Variants in PRKN observed in about 807,000 individuals in gnomAD.
The protein encoded by PRKN is E3 ubiquitin-protein ligase parkin.
PRKN carries 56 observed loss-of-function variants against 59.5 expected under a neutral mutation model. That is an observed-to-expected ratio of 0.94 (90% CI 0.76 to 1.18). The LOEUF is 1.18. Among genes scored for constraint, PRKN ranks in the 50% most tolerant of loss-of-function variants. PRKN has a pLI of 0.00. For missense variants in PRKN, 657 were observed against 596.4 expected (o/e 1.10, Z -1.06); for synonymous variants, 250 against 222.1 (o/e 1.13, Z -1.12).
At chr6:161,805,008 A>G (rs763682789) in intron 6 of PRKN, among the ~76,000 whole-genome samples, 4 of 152,244 alleles carry the variant, frequency 2.6e-5, no homozygotes, top group Non-Finnish European at 5.9e-5. Flanking sequence ...CATTCAGACT[A>G]TGAGTTTCAA....
At chr6:162,608,930 A>C (rs1782030694) in intron 1 of PRKN, among the ~76,000 whole-genome samples, 1 of 152,106 alleles carries the variant, frequency 6.6e-6, no homozygotes, top group Non-Finnish European at 1.5e-5. Context: ...TCAGTAGCAC[A>C]GGGGAGAAAG....
chr6:161,775,787 C>T (rs1387118664), intron 7 of PRKN, among the ~76,000 whole-genome samples: 1 of 152,064 alleles, frequency 6.6e-6, no homozygotes, highest in Non-Finnish European at 1.5e-5. Flanking sequence ...TTCTTGACTC[C>T]CTAGGCATCG....
At chr6:162,492,678 G>A (rs557950646) in intron 1 of PRKN, among the ~76,000 whole-genome samples, 1 of 152,056 alleles carries the variant, frequency 6.6e-6, no homozygotes, top group Non-Finnish European at 1.5e-5. Flanking sequence ...GGGGCCGGGC[G>A]CGGTGGCTCA....
At chr6:161,604,406 C>T (rs953885217) in intron 7 of PRKN, among the ~76,000 whole-genome samples, 1 of 152,166 alleles carries the variant, frequency 6.6e-6, no homozygotes, top group Admixed American at 6.5e-5. Flanking sequence ...CAACAGAAAG[C>T]CTCCACCATG....
intron 7 of PRKN, among the ~76,000 whole-genome samples, chr6:161,650,756 C>A (rs937209086): frequency 8.5e-5 from 13 of 152,198 alleles, no homozygotes; most frequent in African/African-American, 2.9e-4. Flanking sequence ...CATTCACTGG[C>A]TCCTGGCATG....
At position 161,467,476 on chromosome 6, in the gene PRKN, T is replaced by G. The variant is rs1226635677; in HGVS notation, c.1084-80599A>C. Among the ~76,000 whole-genome samples the G allele has an allele frequency of 6.6e-6, 1 of 152,198 alleles. No individual in the cohort carries two copies. The highest frequency in any genetic ancestry group is 1.5e-5 in the Non-Finnish European group (1 of 68,042). ...ATGACGAGTAAGATGGGCATTTCTC[T>G]GTAAGCATATGGTCCAATGGGGAAG... On this transcript the variant is annotated intron_variant, in intron 9 of 11. Transcript: ENST00000366898. The surrounding 1 kb of genome is among the most constrained non-coding windows in gnomAD (Gnocchi z 4.3).
intron 6 of PRKN, among the ~76,000 whole-genome samples, chr6:161,952,173 A>G (rs903081806): frequency 3.9e-5 from 6 of 152,088 alleles, no homozygotes; most frequent in African/African-American, 1.2e-4. Context: ...TGAGGGTGCC[A>G]CCCTCTGTTC....
chr6:162,138,700 A>T (rs545182772), intron 4 of PRKN, among the ~76,000 whole-genome samples: 1 of 152,170 alleles, frequency 6.6e-6, no homozygotes, highest in Non-Finnish European at 1.5e-5. Flanking sequence ...GTGAGTGTTG[A>T]AAGTCTCAAA....
At chr6:162,138,514 C>T (rs1035764592) in intron 4 of PRKN, among the ~76,000 whole-genome samples, 1 of 151,786 alleles carries the variant, frequency 6.6e-6, no homozygotes, top group Non-Finnish European at 1.5e-5. Context: ...CACTATGAAT[C>T]GTGCAAAGAA....
chr6:162,550,955 C>A (rs1046400383), intron 1 of PRKN, among the ~76,000 whole-genome samples: 1 of 152,114 alleles, frequency 6.6e-6, no homozygotes, highest in Admixed American at 6.5e-5. Context: ...CCTACGCATA[C>A]CCACCTGACA....
At chr6:162,026,287 G>C (rs1165597427) in intron 5 of PRKN, among the ~76,000 whole-genome samples, 1 of 152,184 alleles carries the variant, frequency 6.6e-6, no homozygotes, top group Admixed American at 6.5e-5. Context: ...AAATGCGGAG[G>C]CACACGTGTG....
intron 2 of PRKN, among the ~76,000 whole-genome samples, chr6:162,347,565 A>G (rs1428136235): frequency 6.6e-6 from 1 of 152,116 alleles, no homozygotes; most frequent in Non-Finnish European, 1.5e-5. Context: ...GTGTTTGAAT[A>G]AAGAGAATGT....
intron 9 of PRKN, among the ~76,000 whole-genome samples, chr6:161,398,373 G>A (rs1258873751): frequency 1.3e-5 from 2 of 152,078 alleles, no homozygotes; most frequent in East Asian, 3.8e-4. Flanking sequence ...CTAGAATGTG[G>A]TTCCCAGACT....
At chr6:162,715,700 C>A (rs142001336) in intron 1 of PRKN, among the ~76,000 whole-genome samples, 199 of 152,282 alleles carry the variant, frequency 1.3e-3, no homozygotes, top group African/African-American at 4.4e-3. Flanking sequence ...AACCTGAATT[C>A]TCCAGTATGG....
intron 2 of PRKN, among the ~76,000 whole-genome samples, chr6:162,387,712 A>G (rs570026416): frequency 1.3e-5 from 2 of 152,188 alleles, no homozygotes; most frequent in African/African-American, 4.8e-5. Context: ...AGAGCATTTT[A>G]TCATGAAAGC....
At chr6:162,249,181 T>C (rs1779325696) in intron 3 of PRKN, among the ~76,000 whole-genome samples, 1 of 152,162 alleles carries the variant, frequency 6.6e-6, no homozygotes, top group African/African-American at 2.4e-5. Context: ...TGCTTTTGCA[T>C]ATAAAATTTA....
intron 1 of PRKN, among the ~76,000 whole-genome samples, chr6:162,469,831 G>T (rs539943639): frequency 2.0e-5 from 3 of 152,026 alleles, no homozygotes; most frequent in Non-Finnish European, 4.4e-5. Flanking sequence ...CGCTACTAAA[G>T]AACTTACACA....
At chr6:162,373,999 T>C (rs545025104) in intron 2 of PRKN, among the ~76,000 whole-genome samples, 14 of 152,318 alleles carry the variant, frequency 9.2e-5, no homozygotes, top group African/African-American at 3.1e-4. Flanking sequence ...ATTTGTCACC[T>C]TTCAGAGGCC....
At chr6:162,541,526 T>G (rs1203877157) in intron 1 of PRKN, among the ~76,000 whole-genome samples, 4 of 152,162 alleles carry the variant, frequency 2.6e-5, no homozygotes, top group African/African-American at 9.7e-5. Context: ...AAGGTGACTG[T>G]TAAAATGAAA....
Sources: gnomAD v4.1 joint callset for allele counts (sites outside exome capture counted in the v4.1 genomes callset) on GRCh38, gnomAD v4.1.1 for gene constraint, Gnocchi (gnomAD v3.1) non-coding constraint, MANE v1.5 for transcripts, NCBI Gene and HGNC (gene_info 2026-07-23, HGNC 2026-07-21) for gene names.